SLC14A2: variants seen among roughly 807,000 people sequenced by gnomAD.
SLC14A2 encodes the protein urea transporter 2.
In SLC14A2, 91 loss-of-function variants were observed where a neutral mutation model predicts 104.6. That is an observed-to-expected ratio of 0.87 (90% CI 0.73 to 1.04). The LOEUF is 1.04. SLC14A2 is among the 50% of genes least tolerant of loss of function. SLC14A2 has a pLI of 0.00. For synonymous variants in SLC14A2, 476 were observed against 466.4 expected, an observed-to-expected ratio of 1.02 and a Z score of -0.27; for missense variants, 1,189 against 1,156.0, an observed-to-expected ratio of 1.03 and a Z score of -0.41.
intron 2 of SLC14A2, among the ~76,000 whole-genome samples, chr18:45,538,802 A>AT (rs1306153499): frequency 7.0e-6 from 1 of 142,506 alleles, no homozygotes; most frequent in Non-Finnish European, 1.5e-5. Flanking sequence ...TCATCATATT[A>AT]TTGCCATGAG....
rs189399426 is a variant in SLC14A2 at position 45,346,880 on chromosome 18, T to C, written c.-125+133689T>C. Among the ~76,000 whole-genome samples the C allele has an allele frequency of 2.9e-3, 433 of 151,898 alleles. 6 individuals are homozygous for C. Among genetic ancestry groups the C allele is most frequent in the African/African-American group, 9.9e-3 (411 of 41,410 alleles). The stretch of plus-strand genomic sequence containing the variant: ...GGGAGGCTGAGGCAGGAGAGTCACT[T>C]GAATCCGAGAGGCAGAGGTTGCAGT... On this transcript the variant is annotated intron_variant, in intron 1 of 20. Coordinates refer to the SLC14A2 transcript ENST00000586448.
chr18:45,607,282 A>C (rs186289949), intron 2 of SLC14A2, among the ~76,000 whole-genome samples: 5 of 152,334 alleles, frequency 3.3e-5, no homozygotes, highest in African/African-American at 1.2e-4. Context: ...AGACTCAACC[A>C]ATAGGAAACT....
chr18:45,185,133 C>A, the SLC14A2 span, among the ~76,000 whole-genome samples: 1 of 152,208 alleles, frequency 6.6e-6, no homozygotes, highest in Admixed American at 6.5e-5. Context: ...TGTTTCACTG[C>A]ATCTCACACT....
chr18:45,197,126 A>G, the SLC14A2 span, among the ~76,000 whole-genome samples: 2 of 152,132 alleles, frequency 1.3e-5, no homozygotes, highest in Non-Finnish European at 2.9e-5. Context: ...TCATGTCCAC[A>G]CTCCAGAAAA....
chr18:45,384,285 G>C (rs1019437922), intron 1 of SLC14A2, among the ~76,000 whole-genome samples: 2 of 152,176 alleles, frequency 1.3e-5, no homozygotes, highest in African/African-American at 4.8e-5. Flanking sequence ...ACCTCCCGCA[G>C]TTGGTGATTT....
chr18:45,672,811 G>T (rs545379982), intron 16 of SLC14A2, 89 bp from the exon 17 acceptor site: 132 of 1,205,110 alleles, frequency 1.1e-4, no homozygotes, highest in South Asian at 3.7e-4. Flanking sequence ...AATGTTAGTG[G>T]GAAGGGTTCA....
intron 18 of SLC14A2, among the ~76,000 whole-genome samples, chr18:45,676,723 G>A (rs142462569): frequency 2.4e-3 from 366 of 152,330 alleles, no homozygotes; most frequent in Middle Eastern, 6.8e-3. Flanking sequence ...AGCTGGAGCT[G>A]TGAAACCTTG....
chr18:45,210,539 A>G (rs548425609), upstream of SLC14A2, among the ~76,000 whole-genome samples: 37 of 152,348 alleles, frequency 2.4e-4, no homozygotes, highest in South Asian at 7.5e-3. Flanking sequence ...TGATTGCTCC[A>G]CTGCACTCTA....
chr18:45,171,050 G>T, the SLC14A2 span, among the ~76,000 whole-genome samples: 2 of 152,222 alleles, frequency 1.3e-5, no homozygotes, highest in Non-Finnish European at 2.9e-5. Context: ...AGATCTATAG[G>T]ATCTGGGGAA....
chr18:45,489,995 CG>C (rs1331034359), intron 2 of SLC14A2: 1 of 152,014 alleles, frequency 6.6e-6, no homozygotes, highest in Non-Finnish European at 1.5e-5. Flanking sequence ...CAAGAATAGA[CG>C]GGCATTTGGT....
chr18:45,201,751 C>T, the SLC14A2 span, among the ~76,000 whole-genome samples: 2 of 152,058 alleles, frequency 1.3e-5, no homozygotes, highest in African/African-American at 4.8e-5. Context: ...ACATTATTTT[C>T]TTTACTCACT....
chr18:45,472,533 A>T (rs2087270773), intron 1 of SLC14A2, among the ~76,000 whole-genome samples: 1 of 152,160 alleles, frequency 6.6e-6, no homozygotes, highest in Admixed American at 6.5e-5. Flanking sequence ...CCTCTCCAGC[A>T]TCTGTTGTTT....
rs1401243146 is a variant in SLC14A2, at chr18:45,626,994, T to C, written c.368T>C (p.Leu123Pro). ...GCCCTCCAGTTCATAGACTGGGTCC[T>C]GAGAGGGACCGCTCAGGTGATGTTC... ...HLALQFIDWVLRGTAQVMFIN... is the reference protein window; with the variant it reads ...HLALQFIDWVPRGTAQVMFIN... Residue 123 changes from leucine (L) to proline (P), a missense_variant, in exon 4 of 20, where the codon CTG becomes CCG. By Grantham distance (98) the Leu-to-Pro change is moderately conservative (BLOSUM62 -3). Transcript: ENST00000255226. 4.3e-6 allele frequency: 7 copies of C among 1,612,494 alleles called. No individual in the cohort carries two copies. The highest frequency in any genetic ancestry group is 1.3e-5 in the African/African-American group (1 of 74,888).
intron 1 of SLC14A2, among the ~76,000 whole-genome samples, chr18:45,215,613 T>A (rs1348553398): frequency 1.3e-5 from 2 of 152,248 alleles, no homozygotes; most frequent in Non-Finnish European, 2.9e-5. Context: ...TCTAGGGGTT[T>A]TCTTCCATAG....
intron 2 of SLC14A2, among the ~76,000 whole-genome samples, chr18:45,544,014 A>G (rs1488532052): frequency 1.3e-5 from 2 of 152,218 alleles, no homozygotes; most frequent in African/African-American, 4.8e-5. Flanking sequence ...TCACAACCCA[A>G]TGTTGGACGA....
intron 1 of SLC14A2, among the ~76,000 whole-genome samples, chr18:45,444,082 C>A (rs2086725788): frequency 6.6e-6 from 1 of 152,138 alleles, no homozygotes; most frequent in Admixed American, 6.5e-5. Flanking sequence ...AAATTTGTTT[C>A]TATCATAAAG....
At chr18:45,240,480 A>G (rs1383704356) in intron 1 of SLC14A2, among the ~76,000 whole-genome samples, 2 of 152,012 alleles carry the variant, frequency 1.3e-5, no homozygotes, top group East Asian at 3.9e-4. Context: ...TGGTAATTCT[A>G]TCTTTAGTTT....
chr18:45,659,615 C>T (rs58725379), intron 10 of SLC14A2, among the ~76,000 whole-genome samples: 1 of 152,176 alleles, frequency 6.6e-6, no homozygotes, highest in Non-Finnish European at 1.5e-5. Flanking sequence ...TAAACTTCCA[C>T]TCTTTTATCC....
intron 1 of SLC14A2, among the ~76,000 whole-genome samples, chr18:45,475,986 G>A (rs1459131564): frequency 2.0e-5 from 3 of 151,916 alleles, no homozygotes; most frequent in Middle Eastern, 3.2e-3. Flanking sequence ...TACATTTAAG[G>A]TTAATATCGT....
Sources: allele counts gnomAD v4.1 joint callset (sites outside exome capture counted in the v4.1 genomes callset), GRCh38; gene constraint gnomAD v4.1.1; transcripts MANE v1.5; gene names NCBI Gene and HGNC (gene_info 2026-07-23, HGNC 2026-07-21).